Variants in RPTOR observed in about 807,000 individuals in gnomAD.
RPTOR encodes regulatory-associated protein of mTOR.
RPTOR carries 21 observed loss-of-function variants against 169.9 expected under a neutral mutation model. That is an observed-to-expected ratio of 0.12 (90% confidence interval 0.09 to 0.18). The LOEUF (loss-of-function observed/expected upper bound fraction) is 0.18, where lower values mean the gene tolerates loss of function less well. Ranked by LOEUF, RPTOR falls within the 10% of genes least tolerant of loss-of-function variation. The pLI, the probability that RPTOR is intolerant of heterozygous loss-of-function variation, is 1.00. For missense variants in RPTOR, 1,133 were observed against 1,855.9 expected (o/e 0.61, Z 7.16); for synonymous variants, 732 against 753.2 (o/e 0.97, Z 0.46).
chr17:80,887,364 C>T (rs1457095112), intron 17 of RPTOR, among the ~76,000 whole-genome samples: 2 of 85,630 alleles, frequency 2.3e-5, no homozygotes, highest in East Asian at 3.0e-4. Flanking sequence ...GTACCGACTC[C>T]GGGGGTGTGC....
At chr17:80,723,990 G>T (rs1016400849) in intron 4 of RPTOR, among the ~76,000 whole-genome samples, 2 of 151,356 alleles carry the variant, frequency 1.3e-5, no homozygotes, top group Non-Finnish European at 2.9e-5. Flanking sequence ...GGCTAAGCAG[G>T]GATGTTTAGT....
intron 17 of RPTOR, among the ~76,000 whole-genome samples, chr17:80,889,162 G>A (rs982557748): frequency 2.6e-5 from 4 of 152,248 alleles, no homozygotes; most frequent in Non-Finnish European, 5.9e-5. Context: ...CACAGCACTT[G>A]CTCACAGGTG....
At chr17:80,892,606 T>G in intron 18 of RPTOR, 123 bp from the exon 19 acceptor site, 1 of 1,106,302 alleles carries the variant, frequency 9.0e-7, no homozygotes, top group Admixed American at 2.0e-5. Flanking sequence ...GCCCCTGCTC[T>G]GACATTTGTT....
At chr17:80,905,483 C>T (rs1286378781) in intron 20 of RPTOR, among the ~76,000 whole-genome samples, 2 of 151,710 alleles carry the variant, frequency 1.3e-5, no homozygotes, top group African/African-American at 4.8e-5. Context: ...GTAGTCCCAG[C>T]TCCTCAGGAG....
chr17:80,951,029 C>T (rs2069169380), intron 28 of RPTOR, among the ~76,000 whole-genome samples: 1 of 152,174 alleles, frequency 6.6e-6, no homozygotes, highest in Non-Finnish European at 1.5e-5. Flanking sequence ...AAGGACACAC[C>T]CGTGGCTAGC....
At chr17:80,924,886 C>T (rs1334548772) in intron 23 of RPTOR, among the ~76,000 whole-genome samples, 1 of 152,232 alleles carries the variant, frequency 6.6e-6, no homozygotes, top group African/African-American at 2.4e-5. Context: ...CTCAGCTCCA[C>T]ATCCTCTTTC....
chr17:80,721,966 C>T lies in RPTOR; in HGVS notation c.508-8594C>T, dbSNP rs532878279. Among the ~76,000 whole-genome samples, 6 of 151,166 alleles carry T rather than the reference C, an allele frequency of 4.0e-5. No individual in the cohort carries two copies. In the South Asian group the frequency reaches 1.0e-3, roughly 26 times the overall value. ...TGCTGATGGGAACTTCCTTTGACTT[C>T]ACAAATACAAGGGATTGGAAGTGCA... On this transcript the variant is annotated intron_variant, in intron 4 of 33. Transcript: ENST00000306801. The surrounding 1 kb of genome is among the most constrained non-coding windows in gnomAD (Gnocchi z 4.7).
chr17:80,961,813 C>T lies in RPTOR; in HGVS notation c.3692+333C>T, dbSNP rs568155299. 9 of 312,496 alleles carry T rather than the reference C, an allele frequency of 2.9e-5. No homozygotes were observed. The South Asian group carries it at 4.2e-4, about 15-fold the overall frequency. 19.4% of individuals were successfully genotyped at this position (312,496 alleles called of 1,614,324 possible). A position where few individuals can be genotyped will look rare whatever the true frequency, so the allele number is the denominator to read the frequency against. On this transcript the variant is annotated intron_variant, in intron 31 of 33. Coordinates refer to ENST00000306801, the MANE Select transcript of RPTOR (RefSeq NM_020761.3). ...GCAGGGGCGGCGCGTCTGCCAGGCA[C>T]GTGGCAGTTGTCTGCACATAAATTC...
rs17848700 is a variant in RPTOR, at chr17:80,923,852, G to A, written c.2808+179G>A. On this transcript the variant is annotated intron_variant, in intron 23 of 33. Coordinates refer to ENST00000306801, the MANE Select transcript of RPTOR (RefSeq NM_020761.3). ...CAGACCCGGGTGCTGGTCCTCACTC[G>A]TGCACCCCTCTGCCTGCACTCCTTA... The A allele has an allele frequency of 8.6e-4, 566 of 658,054 alleles. 6 individuals carry two copies. In the East Asian group the frequency reaches 0.014, roughly 16 times the overall value. The allele number at this position is 658,054 out of a possible 1,614,324, so 40.8% of individuals were successfully genotyped here. A position where few individuals can be genotyped will look rare whatever the true frequency, so the allele number is the denominator to read the frequency against.
At chr17:80,649,775 C>T (rs930902113) in intron 3 of RPTOR, among the ~76,000 whole-genome samples, 5 of 152,220 alleles carry the variant, frequency 3.3e-5, no homozygotes, top group East Asian at 3.9e-4. Context: ...TCTCCCACTT[C>T]GTCTTCCCTC....
At chr17:80,578,575 A>G (rs1419350519) in intron 1 of RPTOR, among the ~76,000 whole-genome samples, 1 of 152,228 alleles carries the variant, frequency 6.6e-6, no homozygotes, top group African/African-American at 2.4e-5. Context: ...GACAGAAAAC[A>G]CACCAGGTAT....
chr17:80,904,731 G>C (rs116350325), intron 20 of RPTOR, among the ~76,000 whole-genome samples: 2 of 152,042 alleles, frequency 1.3e-5, no homozygotes, highest in African/African-American at 4.8e-5. Context: ...AGTTCTCTGC[G>C]GTCTGTTTTG....
At chr17:80,906,541 A>T (rs1229367941) in intron 20 of RPTOR, among the ~76,000 whole-genome samples, 2 of 152,216 alleles carry the variant, frequency 1.3e-5, no homozygotes, top group Non-Finnish European at 2.9e-5. Context: ...CCTCCTGGGC[A>T]CAAGGCTCAA....
At chr17:80,669,196 T>G (rs2065803511) in intron 3 of RPTOR, among the ~76,000 whole-genome samples, 1 of 152,222 alleles carries the variant, frequency 6.6e-6, no homozygotes, top group Non-Finnish European at 1.5e-5. Flanking sequence ...AGGGGGCATT[T>G]CCCAGCTGCT....
chr17:80,903,186 G>T (rs565947986), intron 20 of RPTOR, among the ~76,000 whole-genome samples: 1 of 152,232 alleles, frequency 6.6e-6, no homozygotes, highest in Non-Finnish European at 1.5e-5. Flanking sequence ...TGTGGCAAGC[G>T]CCCTGCTCAC....
At position 80,659,971 on chromosome 17, in the gene RPTOR, A is replaced by T. The variant is rs2143644442; in HGVS notation, c.348+16161A>T. 6.6e-6 allele frequency among the ~76,000 whole-genome samples: 1 copy of T among 152,196 alleles called. No individual in the cohort carries two copies. The highest frequency in any genetic ancestry group is 1.5e-5 in the Non-Finnish European group (1 of 68,006). On this transcript the variant is annotated intron_variant, in intron 3 of 33. Transcript: ENST00000306801. The surrounding 1 kb of genome is among the most constrained non-coding windows in gnomAD (Gnocchi z 4.3). ...CTGCAGGTAATATTCTTTTGTGTAT[A>T]TATAAGAATTTAAATGAGGCCGGGC...
Position 80,754,270 on chromosome 17 carries a change from A to T in RPTOR, c.830+85A>T, listed in dbSNP as rs1364496066. The stretch of plus-strand genomic sequence containing the variant: ...CAACCCATGTGGGCCCCAGGCATTC[A>T]CCTGGTCCCAGGAGCCCACGTGACA... On this transcript the variant is annotated intron_variant, in intron 6 of 33. Coordinates refer to ENST00000306801, the MANE Select transcript of RPTOR (RefSeq NM_020761.3). This position sits in a 1 kb window ranked among gnomAD's most constrained non-coding sequence, Gnocchi z 4.2. The T allele has an allele frequency of 7.3e-7, 1 of 1,374,388 alleles. No homozygotes were observed. Among genetic ancestry groups the T allele is most frequent in the Non-Finnish European group, 9.8e-7 (1 of 1,018,570 alleles). The allele number at this position is 1,374,388 out of a possible 1,614,324, so 85.1% of individuals were successfully genotyped here.
intron 7 of RPTOR, among the ~76,000 whole-genome samples, chr17:80,796,147 C>T (rs755943684): frequency 6.6e-6 from 1 of 152,192 alleles, no homozygotes; most frequent in Non-Finnish European, 1.5e-5. Flanking sequence ...CAAGACACTG[C>T]CTGAGACTGG....
chr17:80,830,522 G>A (rs771117557), intron 9 of RPTOR, among the ~76,000 whole-genome samples: 10 of 152,330 alleles, frequency 6.6e-5, no homozygotes, highest in East Asian at 1.9e-4. Context: ...ACTCACGCAC[G>A]GCCTTCTCAC....
Sources: gnomAD v4.1 joint callset for allele counts (sites outside exome capture counted in the v4.1 genomes callset) on GRCh38, gnomAD v4.1.1 for gene constraint, Gnocchi (gnomAD v3.1) non-coding constraint, MANE v1.5 for transcripts, NCBI Gene and HGNC (gene_info 2026-07-23, HGNC 2026-07-21) for gene names.